The following PLEKHG1 variants were observed in gnomAD, a reference collection of about 807,000 sequenced individuals.
PLEKHG1 encodes the protein pleckstrin homology domain-containing family G member 1.
PLEKHG1 carries 44 observed loss-of-function variants against 100.8 expected under a neutral mutation model. The ratio of observed to expected loss-of-function variants is 0.44; its 90% CI spans 0.34 to 0.56. PLEKHG1 has a LOEUF of 0.56. PLEKHG1 is among the 20% of genes least tolerant of loss of function. The pLI is 0.01. For synonymous variants in PLEKHG1, 640 were observed against 662.5 expected, an observed-to-expected ratio of 0.97 and a Z score of 0.52; for missense variants, 1,545 against 1,720.9, an observed-to-expected ratio of 0.90 and a Z score of 1.81.
In PLEKHG1 at chr6:150,653,400, AC is replaced by A. The variant is rs1199138940; in HGVS notation, c.-99+2620del. Among the ~76,000 whole-genome samples the A allele has an allele frequency of 2.6e-5, 4 of 151,946 alleles. No individual in the cohort carries two copies. The East Asian group carries it at 7.7e-4, about 29-fold the overall frequency. The stretch of plus-strand genomic sequence containing the variant: ...CCCACCTGTGTTATAGGTCAGGCTC[AC>A]CCCCCACGTGTATGTGAGATTCAGT... On this transcript the variant is annotated intron_variant, in intron 3 of 3. Transcript: ENST00000367326.
chr6:150,704,061 C>T (rs187696002), intron 3 of PLEKHG1, among the ~76,000 whole-genome samples: 6,483 of 152,240 alleles, frequency 0.043, 443 homozygotes, highest in African/African-American at 0.15. Flanking sequence ...ACAACTTTAT[C>T]GGTGCTGAGT....
chr6:150,762,343 C>T (rs1261053582), intron 2 of PLEKHG1, among the ~76,000 whole-genome samples: 1 of 147,778 alleles, frequency 6.8e-6, no homozygotes, highest in Non-Finnish European at 1.5e-5. Context: ...GTGCCCGCCA[C>T]CAAGCCCGGC....
intron 3 of PLEKHG1, among the ~76,000 whole-genome samples, chr6:150,775,460 CTCTTT>C (rs1784912967): frequency 6.6e-6 from 1 of 152,152 alleles, no homozygotes; most frequent in African/African-American, 2.4e-5. Flanking sequence ...TTTCCTTCAA[CTCTTT>C]TCTTTATTCA....
chr6:150,727,078 G>T (rs1191706501), intron 1 of PLEKHG1, among the ~76,000 whole-genome samples: 2 of 152,104 alleles, frequency 1.3e-5, no homozygotes, highest in Admixed American at 1.3e-4. Flanking sequence ...TAATTCACAG[G>T]AGGTGTAATA....
intron 3 of PLEKHG1, among the ~76,000 whole-genome samples, chr6:150,676,025 C>A (rs1779747588): frequency 6.6e-6 from 1 of 152,116 alleles, no homozygotes; most frequent in Non-Finnish European, 1.5e-5. Context: ...TCACAGTGAA[C>A]TCCCAATGAA....
At chr6:150,631,063 A>G (rs899100358) in intron 1 of PLEKHG1, among the ~76,000 whole-genome samples, 1 of 152,182 alleles carries the variant, frequency 6.6e-6, no homozygotes, top group African/African-American at 2.4e-5. Context: ...GCTAAAGCTG[A>G]AGCTCTCAAA....
chr6:150,683,909 G>T lies in PLEKHG1; in HGVS notation c.-99+33123G>T, dbSNP rs1780018826. On this transcript the variant is annotated intron_variant, in intron 3 of 3. Coordinates refer to the PLEKHG1 transcript ENST00000367326. The surrounding 1 kb of genome is among the most constrained non-coding windows in gnomAD (Gnocchi z 4.0). ...TAAGATGGAGCGATCCTATGGTTTG[G>T]CACCTGCAGCCAGGGTGGTGGCAAG... is the stretch of plus-strand genomic sequence containing the variant. The T allele has an allele frequency of 1.0e-6, 1 of 961,194 alleles. No individual in the cohort carries two copies. Among genetic ancestry groups the T allele is most frequent in the Non-Finnish European group, 1.4e-6 (1 of 717,306 alleles). The allele number at this position is 961,194 out of a possible 1,614,324, so 59.5% of individuals were successfully genotyped here.
chr6:150,766,844 T>C (rs4869946), intron 2 of PLEKHG1, among the ~76,000 whole-genome samples: 2,802 of 152,278 alleles, frequency 0.018, 54 homozygotes, highest in Admixed American at 0.041. Flanking sequence ...GAGAAAGGAT[T>C]GTTCATTCTC....
rs1776931582 is a variant in PLEKHG1 at position 150,831,547 on chromosome 6, G to A, written c.2436G>A (p.Leu812=). The A allele has an allele frequency of 3.1e-6, 5 of 1,614,184 alleles. No homozygotes were observed. The highest frequency in any genetic ancestry group is 3.4e-6 in the Non-Finnish European group (4 of 1,180,024). Residue 812 remains leucine, a synonymous_variant, in exon 15 of 16, where the codon CTG becomes CTA. Coordinates refer to ENST00000358517, the Ensembl canonical transcript of PLEKHG1. This position sits in a 1 kb window ranked among gnomAD's most constrained non-coding sequence, Gnocchi z 4.1. ...CCGATCATGGTTATCTGAGTTTGCT[G>A]TATGACTCTCCCAGTGGTAACTTGT... is the stretch of plus-strand genomic sequence containing the variant.
At chr6:150,674,687 CCT>C (rs1779697054) in intron 3 of PLEKHG1, among the ~76,000 whole-genome samples, 1 of 142,216 alleles carries the variant, frequency 7.0e-6, no homozygotes, top group Non-Finnish European at 1.5e-5. Context: ...CTCTCTCCCC[CCT>C]CTTCTCTTCT....
chr6:150,829,026 T>G (rs1394528279), intron 14 of PLEKHG1, among the ~76,000 whole-genome samples: 1 of 152,188 alleles, frequency 6.6e-6, no homozygotes, highest in Non-Finnish European at 1.5e-5. Context: ...AATTCCATTA[T>G]TGTCTCTCTA....
At position 150,607,416 on chromosome 6, in the gene PLEKHG1, G is replaced by A. The variant is rs536465663; in HGVS notation, c.-204+7399G>A. ...GAGAGAGGAAAAGCTGTAATCTGAG[G>A]CATAAATATACGATCCTGTGTGTTC... On this transcript the variant is annotated intron_variant, in intron 1 of 3. Coordinates refer to the PLEKHG1 transcript ENST00000367326. Among the ~76,000 whole-genome samples the A allele has an allele frequency of 6.6e-5, 10 of 152,274 alleles. No homozygotes were observed. The South Asian group carries it at 2.1e-3, about 32-fold the overall frequency.
At chr6:150,618,768 A>G (rs1777171254) in intron 1 of PLEKHG1, among the ~76,000 whole-genome samples, 1 of 152,220 alleles carries the variant, frequency 6.6e-6, no homozygotes, top group African/African-American at 2.4e-5. Flanking sequence ...GTGAGTTGGT[A>G]CAGAAATAAA....
At chr6:150,673,701 C>T (rs1260725037) in intron 3 of PLEKHG1, among the ~76,000 whole-genome samples, 1 of 151,812 alleles carries the variant, frequency 6.6e-6, no homozygotes, top group African/African-American at 2.4e-5. Flanking sequence ...TACTCTGTCA[C>T]CCAGGCTGGA....
chr6:150,602,153 A>G (rs1776383468), intron 1 of PLEKHG1, among the ~76,000 whole-genome samples: 1 of 152,208 alleles, frequency 6.6e-6, no homozygotes, highest in Admixed American at 6.5e-5. Flanking sequence ...AGTAGCACTA[A>G]ATCTCTTGAG....
intron 1 of PLEKHG1, among the ~76,000 whole-genome samples, chr6:150,606,494 C>A (rs1236419215): frequency 3.3e-5 from 5 of 152,192 alleles, no homozygotes; most frequent in African/African-American, 9.6e-5. Context: ...CAGCTTTTCA[C>A]ACTCCAAGCA....
chr6:150,708,907 ATG>A (rs756805498), intron 3 of PLEKHG1, among the ~76,000 whole-genome samples: 1 of 152,344 alleles, frequency 6.6e-6, no homozygotes, highest in Non-Finnish European at 1.5e-5. Flanking sequence ...AGTGGAGATG[ATG>A]TCAGTGAACA....
intron 2 of PLEKHG1, among the ~76,000 whole-genome samples, chr6:150,750,032 G>A (rs13216327): frequency 0.16 from 24,272 of 149,482 alleles, 3,543 homozygotes; most frequent in African/African-American, 0.39. Flanking sequence ...AGATCATGCC[G>A]CTGCACTCCA....
chr6:150,657,493 AATC>A (rs1367691516), intron 3 of PLEKHG1, among the ~76,000 whole-genome samples: 1 of 152,200 alleles, frequency 6.6e-6, no homozygotes, highest in East Asian at 1.9e-4. Flanking sequence ...TTGTTATTCA[AATC>A]ATCAACATCC....
Sources: gnomAD v4.1 joint callset for allele counts (sites outside exome capture counted in the v4.1 genomes callset) on GRCh38, gnomAD v4.1.1 for gene constraint, Gnocchi (gnomAD v3.1) non-coding constraint, MANE v1.5 for transcripts, NCBI Gene and HGNC (gene_info 2026-07-23, HGNC 2026-07-21) for gene names.